Variants in TBC1D1 observed in about 807,000 individuals in gnomAD.
TBC1D1 encodes TBC1 domain family member 1, also known as TBC1 (tre-2/USP6, BUB2, cdc16) domain family, member 1.
Under a neutral mutation model 125.6 loss-of-function variants are expected in TBC1D1, and 89 were observed. The ratio of observed to expected loss-of-function variants is 0.71; its 90% CI spans 0.60 to 0.85. The LOEUF is 0.85. Among genes scored for constraint, TBC1D1 ranks in the 40% least tolerant of loss-of-function variants. The pLI is 0.00. For missense variants in TBC1D1, 1,377 were observed against 1,469.2 expected (o/e 0.94, Z 1.03); for synonymous variants, 565 against 564.1 (o/e 1.00, Z -0.02).
chr4:38,096,888 GA>G (rs1399316396), intron 14 of TBC1D1, among the ~76,000 whole-genome samples: 1 of 151,542 alleles, frequency 6.6e-6, no homozygotes, highest in African/African-American at 2.4e-5. Context: ...TTTTTAAAAA[GA>G]AAAAAAATTG....
In TBC1D1 at chr4:38,021,609, G is replaced by A; in HGVS notation, c.1101G>A (p.Leu367=). 1 of 1,580,784 alleles carries A rather than the reference G, an allele frequency of 6.3e-7. No homozygotes were observed. Among genetic ancestry groups the A allele is most frequent in the Non-Finnish European group, 8.6e-7 (1 of 1,165,558 alleles). The change falls in exon 6 of 20, where the codon CTG becomes CTA. Residue 367 remains leucine (L), a synonymous_variant. Coordinates refer to ENST00000261439, the MANE Select transcript of TBC1D1 (RefSeq NM_015173.4). ...AGGTTGATGAAATTATGATGACCCT[G>A]AAACAGGCCTTCACGGTGGCCGCAG...
At chr4:37,933,061 AAAC>A in intron 2 of TBC1D1, among the ~76,000 whole-genome samples, 1 of 151,730 alleles carries the variant, frequency 6.6e-6, no homozygotes, top group Non-Finnish European at 1.5e-5. Flanking sequence ...AAAAACAAAA[AAAC>A]AAAAAAACAA....
rs370249626 is a variant in TBC1D1, at chr4:38,014,808, C to T, written c.717C>T (p.Pro239=). ...CCATGCGCAAGTCCTTCTCCCAGCC[C>T]GGCCTGCGCTCGCTGGCCTTTAGGA... Residue 239 remains proline (P), a synonymous_variant, in exon 3 of 20, where the codon CCC becomes CCT. Transcript: ENST00000261439. The surrounding 1 kb of genome is among the most constrained non-coding windows in gnomAD (Gnocchi z 5.1). 193 of 1,610,648 alleles carry T rather than the reference C, an allele frequency of 1.2e-4. No homozygotes were observed. Among genetic ancestry groups the T allele is most frequent in the Admixed American group, 3.2e-4 (19 of 59,898 alleles).
At chr4:38,091,550 A>C (rs886512676) in intron 13 of TBC1D1, among the ~76,000 whole-genome samples, 3 of 152,254 alleles carry the variant, frequency 2.0e-5, no homozygotes, top group Admixed American at 2.0e-4. Context: ...TTGAAGAGGA[A>C]AAAGGCAGTT....
chr4:37,917,140 G>C (rs1020865316), intron 2 of TBC1D1, among the ~76,000 whole-genome samples: 3 of 151,950 alleles, frequency 2.0e-5, no homozygotes, highest in Non-Finnish European at 4.4e-5. Context: ...GCCTCCCTTT[G>C]CTCATTTCCC....
At chr4:38,115,610 A>G (rs1762856095) in intron 15 of TBC1D1, 100 bp from the exon 18 acceptor site, 1 of 1,298,308 alleles carries the variant, frequency 7.7e-7, no homozygotes. Flanking sequence ...TCCAGCTTCT[A>G]AAGATTTTGC....
At chr4:38,120,607 A>C (rs1560263860) in intron 17 of TBC1D1, among the ~76,000 whole-genome samples, 1 of 152,230 alleles carries the variant, frequency 6.6e-6, no homozygotes, top group Admixed American at 6.5e-5. Context: ...TATATTAGTT[A>C]ATAGGTTACC....
chr4:37,953,840 G>A (rs1338081404), intron 2 of TBC1D1, among the ~76,000 whole-genome samples: 1 of 152,172 alleles, frequency 6.6e-6, no homozygotes, highest in Non-Finnish European at 1.5e-5. Flanking sequence ...AAAAGTAATA[G>A]AATGCCTAAT....
Position 38,053,242 on chromosome 4 carries a change from A to T in TBC1D1, c.1911-957A>T. Reference sequence around the variant, plus strand: ...CACAAAAAGGTAGGGCTTAATTTAGATATATCAAGCCTGGGTGTTACTAAG... The same window carrying T: ...CACAAAAAGGTAGGGCTTAATTTAGTTATATCAAGCCTGGGTGTTACTAAG... On this transcript the variant is annotated intron_variant, in intron 11 of 19. Coordinates refer to ENST00000261439, the MANE Select transcript of TBC1D1 (RefSeq NM_015173.4). 2 of 1,486,996 alleles carry T rather than the reference A, an allele frequency of 1.3e-6. No individual in the cohort carries two copies. The highest frequency in any genetic ancestry group is 1.8e-6 in the Non-Finnish European group (2 of 1,119,840). 92.1% of individuals were successfully genotyped at this position (1,486,996 alleles called of 1,614,324 possible).
In TBC1D1 at chr4:38,082,504, T is replaced by C. The variant is rs149891992; in HGVS notation, c.2051-7428T>C. Among the ~76,000 whole-genome samples, 277 of 152,352 alleles carry C rather than the reference T, an allele frequency of 1.8e-3. 1 individual carries two copies. The highest frequency in any genetic ancestry group is 6.4e-3 in the African/African-American group (267 of 41,590). Reference sequence around the variant, plus strand: ...TTCTCTTTAGTTTTGTTGTCTTTAATCAAGAACTGAGAGCCCTGACTTTCA... The same window carrying C: ...TTCTCTTTAGTTTTGTTGTCTTTAACCAAGAACTGAGAGCCCTGACTTTCA... On this transcript the variant is annotated intron_variant, in intron 12 of 19. Transcript: ENST00000261439.
At chr4:38,103,672 G>A (rs1760754888) in intron 15 of TBC1D1, among the ~76,000 whole-genome samples, 1 of 152,098 alleles carries the variant, frequency 6.6e-6, no homozygotes, top group South Asian at 2.1e-4. Context: ...AAGAAGATGG[G>A]AACAATATAC....
chr4:38,033,614 G>A (rs1210671122), intron 7 of TBC1D1, among the ~76,000 whole-genome samples: 1 of 152,148 alleles, frequency 6.6e-6, no homozygotes, highest in South Asian at 2.1e-4. Flanking sequence ...TCTGTATTCT[G>A]TGGGTTGTGA....
At chr4:37,902,869 T>C (rs1716384762) in intron 2 of TBC1D1, among the ~76,000 whole-genome samples, 1 of 152,248 alleles carries the variant, frequency 6.6e-6, no homozygotes, top group Non-Finnish European at 1.5e-5. Context: ...TGTTAAAATG[T>C]GAATCTTGAT....
intron 2 of TBC1D1, among the ~76,000 whole-genome samples, chr4:37,943,676 T>C (rs1726051965): frequency 1.3e-5 from 2 of 152,262 alleles, no homozygotes; most frequent in African/African-American, 2.4e-5. Flanking sequence ...GCCATAGTTT[T>C]CAGCTCCATC....
intron 2 of TBC1D1, among the ~76,000 whole-genome samples, chr4:37,967,947 G>A (rs1731364264): frequency 3.3e-5 from 5 of 152,180 alleles, no homozygotes. Context: ...AGCGCACAGT[G>A]TTTTGAAAAG....
intron 6 of TBC1D1, among the ~76,000 whole-genome samples, chr4:38,026,680 A>G (rs140859298): frequency 0.025 from 3,748 of 152,164 alleles, 68 homozygotes; most frequent in South Asian, 0.074. Flanking sequence ...ATATCCTTTC[A>G]TTATCAACCG....
intron 2 of TBC1D1, among the ~76,000 whole-genome samples, chr4:37,948,019 A>T (rs1727067575): frequency 6.6e-6 from 1 of 152,236 alleles, no homozygotes; most frequent in Non-Finnish European, 1.5e-5. Flanking sequence ...TAGTTAACAA[A>T]GTGGAAACTG....
chr4:37,939,405 G>A (rs1010382296), intron 2 of TBC1D1, among the ~76,000 whole-genome samples: 3 of 152,136 alleles, frequency 2.0e-5, no homozygotes, highest in African/African-American at 7.2e-5. Flanking sequence ...TGAGTTCATT[G>A]TAGATTCTGG....
intron 12 of TBC1D1, among the ~76,000 whole-genome samples, chr4:38,064,058 T>C (rs1224752588): frequency 6.6e-6 from 1 of 152,258 alleles, no homozygotes; most frequent in African/African-American, 2.4e-5. Context: ...TTGCCTATTC[T>C]GAACACTTCA....
Sources: gnomAD v4.1 joint callset for allele counts (sites outside exome capture counted in the v4.1 genomes callset) on GRCh38, gnomAD v4.1.1 for gene constraint, Gnocchi (gnomAD v3.1) non-coding constraint, MANE v1.5 for transcripts, NCBI Gene and HGNC (gene_info 2026-07-23, HGNC 2026-07-21) for gene names.